CCDC50: variants seen among roughly 807,000 people sequenced by gnomAD.
The protein encoded by CCDC50 is coiled-coil domain-containing protein 50.
In CCDC50, 54 loss-of-function variants were observed where a neutral mutation model predicts 70.2. The observed-to-expected ratio is 0.77, with a 90% confidence interval of 0.62 to 0.96. The LOEUF is 0.96. Among genes scored for constraint, CCDC50 ranks in the 50% least tolerant of loss-of-function variants. The pLI, the probability that CCDC50 is intolerant of heterozygous loss-of-function variation, is 0.00. For missense variants in CCDC50, 558 were observed against 578.7 expected (o/e 0.96, Z 0.37); for synonymous variants, 216 against 198.8 (o/e 1.09, Z -0.73).
intron 4 of CCDC50, among the ~76,000 whole-genome samples, chr3:191,363,677 C>A (rs1371755566): frequency 6.6e-6 from 1 of 152,212 alleles, no homozygotes; most frequent in Non-Finnish European, 1.5e-5. Context: ...CGTTTACACA[C>A]GTGTCATTAC....
chr3:191,383,101 TATGCTTTCAGCTTGGG>T (rs1417984100), intron 10 of CCDC50, among the ~76,000 whole-genome samples: 5 of 152,220 alleles, frequency 3.3e-5, no homozygotes, highest in Admixed American at 2.6e-4. Flanking sequence ...TCACTGAATT[TATGCTTTCAGCTTGGG>T]GAATGAGAGT....
intron 8 of CCDC50, 21 bp from the exon 9 acceptor site, chr3:191,380,805 GAT>G (rs753560713): frequency 1.9e-6 from 3 of 1,606,486 alleles, no homozygotes; most frequent in Admixed American, 3.3e-5. Flanking sequence ...TGCAGTTAAT[GAT>G]ATTGACTGTA....
At chr3:191,383,626 C>G (rs1362440262) in intron 10 of CCDC50, among the ~76,000 whole-genome samples, 1 of 152,176 alleles carries the variant, frequency 6.6e-6, no homozygotes, top group Non-Finnish European at 1.5e-5. Context: ...GTTGTTGCTA[C>G]TCATGCCCAC....
chr3:191,372,984 G>A (rs293804), intron 5 of CCDC50, among the ~76,000 whole-genome samples: 98,559 of 151,874 alleles, frequency 0.65, 33,815 homozygotes, highest in East Asian at 0.92. Flanking sequence ...TACATATATC[G>A]GTGTTATATG....
chr3:191,369,892 A>T, intron 4 of CCDC50, 27 bp from the exon 5 acceptor site: 3 of 1,524,114 alleles, frequency 2.0e-6, no homozygotes, highest in Non-Finnish European at 2.7e-6. Flanking sequence ...GGTAATGTGT[A>T]TTTCCATTCT....
At position 191,375,152 on chromosome 3, in the gene CCDC50, A is replaced by G. The variant is rs1380163118; in HGVS notation, c.539A>G (p.Lys180Arg). The change falls in exon 6 of 12, where the codon AAG (lysine) becomes AGG (arginine). Residue 180 changes from lysine to arginine, a missense_variant. Lys to Arg is a conservative substitution (Grantham distance 26, BLOSUM62 2). Coordinates refer to ENST00000392455, the MANE Select transcript of CCDC50 (RefSeq NM_178335.3). Reference protein sequence around the residue: ...LQRDGKTVKHKKEKPEHPLEN... With the variant: ...LQRDGKTVKHRKEKPEHPLEN... ...AGAGATGGAAAGACTGTGAAGCACA[A>G]GAAAGAGAAACCAGAACATCCACTG... The G allele has an allele frequency of 1.9e-6, 3 of 1,613,814 alleles. No individual in the cohort carries two copies. Among genetic ancestry groups the G allele is most frequent in the East Asian group, 2.2e-5 (1 of 44,882 alleles).
At chr3:191,361,977 A>C (rs900678561) in intron 4 of CCDC50, among the ~76,000 whole-genome samples, 1 of 152,136 alleles carries the variant, frequency 6.6e-6, no homozygotes. Flanking sequence ...CTGTTGGTTA[A>C]AAAAAACTAA....
At chr3:191,366,255 G>T (rs542123477) in intron 4 of CCDC50, among the ~76,000 whole-genome samples, 3 of 151,986 alleles carry the variant, frequency 2.0e-5, no homozygotes, top group Non-Finnish European at 2.9e-5. Flanking sequence ...TTTGACACAG[G>T]GCACACGTCT....
Position 191,357,119 on chromosome 3 carries a change from C to A in CCDC50, c.81C>A (p.His27Gln). The A allele has an allele frequency of 1.2e-6, 2 of 1,613,582 alleles. No individual in the cohort carries two copies. The highest frequency in any genetic ancestry group is 1.7e-6 in the Non-Finnish European group (2 of 1,179,654). The change falls in exon 2 of 12, where the codon CAC becomes CAA. Residue 27 changes from histidine (H) to glutamine (Q), a missense_variant. Transcript: ENST00000392455. ...VCRDFAVLED[H>Q]TLAHSLQEQE... ...GAGATTTTGCTGTCCTGGAGGACCACACCCTGGCTCACAGCCTGCAGGAAC... is the reference window on the plus strand; with the variant it reads ...GAGATTTTGCTGTCCTGGAGGACCAAACCCTGGCTCACAGCCTGCAGGAAC...
chr3:191,368,858 A>T (rs530100328), intron 4 of CCDC50, among the ~76,000 whole-genome samples: 1 of 152,216 alleles, frequency 6.6e-6, no homozygotes, highest in South Asian at 2.1e-4. Flanking sequence ...GTGCATGAAC[A>T]TATAAGTTTA....
At chr3:191,361,866 G>T (rs1214835586) in intron 4 of CCDC50, among the ~76,000 whole-genome samples, 1 of 152,150 alleles carries the variant, frequency 6.6e-6, no homozygotes, top group Non-Finnish European at 1.5e-5. Context: ...ACTTTTGAGT[G>T]GGGCCTGCAC....
intron 3 of CCDC50, among the ~76,000 whole-genome samples, chr3:191,358,572 A>G: frequency 6.6e-6 from 1 of 152,204 alleles, no homozygotes; most frequent in East Asian, 1.9e-4. Flanking sequence ...TTTTCAGTAC[A>G]TAGCAGAATG....
intron 4 of CCDC50, among the ~76,000 whole-genome samples, chr3:191,362,178 A>T (rs1311239134): frequency 6.6e-6 from 1 of 152,096 alleles, no homozygotes; most frequent in Non-Finnish European, 1.5e-5. Flanking sequence ...CCCAGGGTGG[A>T]GTGCAGTGGT....
chr3:191,362,517 G>A (rs1378052923), intron 4 of CCDC50, among the ~76,000 whole-genome samples: 1 of 152,112 alleles, frequency 6.6e-6, no homozygotes, highest in Non-Finnish European at 1.5e-5. Context: ...CTTGGTCACT[G>A]TCTTGATTTA....
chr3:191,330,296 AACACACACAC>A (rs3048670), intron 1 of CCDC50: 2,117 of 137,146 alleles, frequency 0.015, 35 homozygotes, highest in Middle Eastern at 0.093. Flanking sequence ...TTACAAACAA[AACACACACAC>A]ACACACACAC....
chr3:191,344,754 A>T (rs1404502409), intron 1 of CCDC50, among the ~76,000 whole-genome samples: 2 of 151,942 alleles, frequency 1.3e-5, no homozygotes, highest in Non-Finnish European at 2.9e-5. Flanking sequence ...AATTTTTTGT[A>T]TTTTTGTGGA....
chr3:191,376,711 T>C (rs577256496), intron 6 of CCDC50, among the ~76,000 whole-genome samples: 2 of 152,312 alleles, frequency 1.3e-5, no homozygotes, highest in African/African-American at 4.8e-5. Context: ...GCCAGAAAGA[T>C]GGCTTTGTAA....
At chr3:191,342,899 T>C (rs1371671174) in intron 1 of CCDC50, among the ~76,000 whole-genome samples, 1 of 152,244 alleles carries the variant, frequency 6.6e-6, no homozygotes, top group Non-Finnish European at 1.5e-5. Context: ...GTGGCCTGTT[T>C]TTTTCGTAGA....
rs1717864449 is a variant in CCDC50 at position 191,329,455 on chromosome 3, G to C, written c.-220G>C. The stretch of plus-strand genomic sequence containing the variant: ...CGGGGACGCGGAGCAGGTGGCCGCG[G>C]CGGGGCAGCTGGGCCGCCAGCTTGG... On this transcript the variant is annotated 5_prime_UTR_variant, in exon 1 of 12. Coordinates refer to ENST00000392455, the MANE Select transcript of CCDC50 (RefSeq NM_178335.3). The C allele has an allele frequency of 2.1e-6, 1 of 466,728 alleles. No individual in the cohort carries two copies. The highest frequency in any genetic ancestry group is 3.8e-6 in the Non-Finnish European group (1 of 266,208). The allele number at this position is 466,728 out of a possible 1,614,324, so 28.9% of individuals were successfully genotyped here. A position where few individuals can be genotyped will look rare whatever the true frequency, so the allele number is the denominator to read the frequency against.
Sources: gnomAD v4.1 joint callset for allele counts (sites outside exome capture counted in the v4.1 genomes callset) on GRCh38, gnomAD v4.1.1 for gene constraint, MANE v1.5 for transcripts, NCBI Gene and HGNC (gene_info 2026-07-23, HGNC 2026-07-21) for gene names.